CPA6: variants seen among roughly 807,000 people sequenced by gnomAD.
CPA6 encodes the protein carboxypeptidase A6, also known as carboxypeptidase B.
In CPA6, 58 loss-of-function variants were observed where a neutral mutation model predicts 63.3. That is an observed-to-expected ratio of 0.92 (90% CI 0.74 to 1.14). The LOEUF is 1.14. CPA6 is among the 50% of genes most tolerant of loss of function. The pLI, the probability that CPA6 is intolerant of heterozygous loss-of-function variation, is 0.00. For synonymous variants in CPA6, 185 were observed against 179.0 expected (o/e 1.03, Z -0.27); for missense variants, 565 against 526.6 (o/e 1.07, Z -0.71).
At chr8:67,541,534 T>G (rs1369659479) in intron 2 of CPA6, among the ~76,000 whole-genome samples, 1 of 152,130 alleles carries the variant, frequency 6.6e-6, no homozygotes, top group African/African-American at 2.4e-5. Context: ...GCTTGCTCAA[T>G]CGATCACGAT....
chr8:67,689,467 T>G (rs1816773899), intron 1 of CPA6, among the ~76,000 whole-genome samples: 1 of 152,156 alleles, frequency 6.6e-6, no homozygotes, highest in African/African-American at 2.4e-5. Flanking sequence ...ATTGTTCCCA[T>G]CTTTATGGCC....
intron 1 of CPA6, among the ~76,000 whole-genome samples, chr8:67,645,597 T>A (rs555035367): frequency 2.6e-4 from 39 of 152,348 alleles, no homozygotes; most frequent in East Asian, 5.8e-4. Flanking sequence ...TAATGAAGTT[T>A]GTCTTTGCCA....
At chr8:67,677,838 G>A (rs534303548) in intron 1 of CPA6, among the ~76,000 whole-genome samples, 1 of 151,196 alleles carries the variant, frequency 6.6e-6, no homozygotes, top group African/African-American at 2.4e-5. Flanking sequence ...ATTCCAGGTA[G>A]CTTGTAGGTC....
At chr8:67,666,637 A>G (rs1032605767) in intron 1 of CPA6, among the ~76,000 whole-genome samples, 4 of 152,180 alleles carry the variant, frequency 2.6e-5, no homozygotes, top group African/African-American at 9.7e-5. Context: ...AGCTCCAGGC[A>G]AGGTGCCTGG....
At chr8:67,479,942 T>C (rs1192638914) in intron 8 of CPA6, among the ~76,000 whole-genome samples, 1 of 151,864 alleles carries the variant, frequency 6.6e-6, no homozygotes, top group Non-Finnish European at 1.5e-5. Context: ...ACCCAAATGA[T>C]TGGTCAAGCA....
chr8:67,558,765 G>C (rs554684625), intron 2 of CPA6, among the ~76,000 whole-genome samples: 1 of 152,282 alleles, frequency 6.6e-6, no homozygotes, highest in African/African-American at 2.4e-5. Context: ...GTTTGAACCA[G>C]GCAAATGCAC....
chr8:67,541,245 TGCACCATCCCTCACG>T (rs1812697414), intron 2 of CPA6, among the ~76,000 whole-genome samples: 1 of 151,998 alleles, frequency 6.6e-6, no homozygotes, highest in Non-Finnish European at 1.5e-5. Context: ...TGGGCTGGAG[TGCACCATCCCTCACG>T]GCACAGTCCC....
intron 2 of CPA6, among the ~76,000 whole-genome samples, chr8:67,593,668 T>C (rs1814203446): frequency 6.6e-6 from 1 of 152,042 alleles, no homozygotes; most frequent in Non-Finnish European, 1.5e-5. Flanking sequence ...TTGATCTTTG[T>C]TGGTTTAAAG....
intron 2 of CPA6, among the ~76,000 whole-genome samples, chr8:67,589,846 T>C (rs1432648846): frequency 6.6e-6 from 1 of 151,990 alleles, no homozygotes; most frequent in African/African-American, 2.4e-5. Flanking sequence ...GCAATTGCTT[T>C]TTTGTGTGTG....
chr8:67,458,025 G>T (rs914542052), intron 8 of CPA6, among the ~76,000 whole-genome samples: 5 of 152,112 alleles, frequency 3.3e-5, no homozygotes, highest in Non-Finnish European at 7.3e-5. Context: ...TTTACAAATG[G>T]TGCTGGAACA....
chr8:67,719,972 C>T (rs910726670), intron 1 of CPA6, among the ~76,000 whole-genome samples: 1 of 152,022 alleles, frequency 6.6e-6, no homozygotes, highest in Non-Finnish European at 1.5e-5. Flanking sequence ...AGCTTTCATG[C>T]GCGTCCGTGT....
chr8:67,511,754 C>A, intron 3 of CPA6, 99 bp from the exon 4 acceptor site: 1 of 700,220 alleles, frequency 1.4e-6, no homozygotes, highest in Non-Finnish European at 2.6e-6. Context: ...TAAAGAAAGA[C>A]TGTGGTGATC....
intron 1 of CPA6, among the ~76,000 whole-genome samples, chr8:67,725,413 C>A (rs943081066): frequency 3.3e-5 from 5 of 152,196 alleles, no homozygotes; most frequent in Admixed American, 6.5e-5. Flanking sequence ...ACTTTGAGAT[C>A]ATCATCACCT....
intron 1 of CPA6, among the ~76,000 whole-genome samples, chr8:67,667,489 C>G (rs1025868021): frequency 6.6e-6 from 1 of 152,016 alleles, no homozygotes; most frequent in Non-Finnish European, 1.5e-5. Flanking sequence ...CTTTTTTCAA[C>G]TTCCCCGCTA....
chr8:67,696,943 G>A (rs1816923311), intron 1 of CPA6, among the ~76,000 whole-genome samples: 2 of 152,142 alleles, frequency 1.3e-5, no homozygotes, highest in South Asian at 2.1e-4. Flanking sequence ...AAATACATTC[G>A]TCTAGCTCAT....
At chr8:67,477,340 C>T (rs532202054) in intron 8 of CPA6, among the ~76,000 whole-genome samples, 2 of 141,248 alleles carry the variant, frequency 1.4e-5, no homozygotes, top group East Asian at 2.1e-4. Flanking sequence ...CTAAGCATTA[C>T]AGTTTAGCTC....
intron 3 of CPA6, among the ~76,000 whole-genome samples, chr8:67,513,530 G>A (rs1053660506): frequency 2.6e-5 from 4 of 152,078 alleles, no homozygotes; most frequent in South Asian, 2.1e-4. Context: ...TGCCAAAGGC[G>A]GAAATCTATA....
chr8:67,455,093 G>C (rs959790783), intron 8 of CPA6, among the ~76,000 whole-genome samples: 1 of 152,106 alleles, frequency 6.6e-6, no homozygotes, highest in Non-Finnish European at 1.5e-5. Context: ...ACAAAGAAAA[G>C]GTTTTGTTGA....
intron 1 of CPA6, among the ~76,000 whole-genome samples, chr8:67,668,731 A>G (rs1816283478): frequency 6.6e-6 from 1 of 152,228 alleles, no homozygotes; most frequent in Non-Finnish European, 1.5e-5. Flanking sequence ...CTGGGCCCCC[A>G]GCATTATACT....
Sources: allele counts gnomAD v4.1 joint callset (sites outside exome capture counted in the v4.1 genomes callset), GRCh38; gene constraint gnomAD v4.1.1; transcripts MANE v1.5; gene names NCBI Gene and HGNC (gene_info 2026-07-23, HGNC 2026-07-21).